TLL1: variants seen among roughly 807,000 people sequenced by gnomAD.
TLL1 encodes tolloid like 1.
TLL1 carries 49 observed loss-of-function variants against 128.2 expected under a neutral mutation model. The ratio of observed to expected loss-of-function variants is 0.38; its 90% CI spans 0.30 to 0.48. The LOEUF is 0.48. Ranked by LOEUF, TLL1 falls within the 20% of genes least tolerant of loss-of-function variation. The pLI is 0.96. For missense variants in TLL1, 1,123 were observed against 1,242.0 expected (o/e 0.90, Z 1.44); for synonymous variants, 454 against 418.8 (o/e 1.08, Z -1.03).
At chr4:166,031,623 C>T (rs1393711653) in intron 9 of TLL1, among the ~76,000 whole-genome samples, 1 of 152,018 alleles carries the variant, frequency 6.6e-6, no homozygotes, top group Non-Finnish European at 1.5e-5. Context: ...CTGCCTCAGC[C>T]TCCCAAAGTT....
chr4:166,061,187 T>C (rs2111119051), intron 15 of TLL1, among the ~76,000 whole-genome samples: 1 of 152,164 alleles, frequency 6.6e-6, no homozygotes, highest in Admixed American at 6.6e-5. Flanking sequence ...GTTTTGCTTT[T>C]GTGTGTCTAT....
chr4:166,034,930 T>C (rs2111083693), intron 9 of TLL1, among the ~76,000 whole-genome samples: 1 of 152,318 alleles, frequency 6.6e-6, no homozygotes, highest in South Asian at 2.1e-4. Flanking sequence ...CTCACTTGGC[T>C]GAAGGGTTGG....
chr4:165,959,549 A>G (rs1338446888), intron 1 of TLL1, among the ~76,000 whole-genome samples: 1 of 152,152 alleles, frequency 6.6e-6, no homozygotes, highest in African/African-American at 2.4e-5. Context: ...CATTCTTCTC[A>G]TCTCCACATG....
At chr4:165,899,946 G>A (rs1011451864) in intron 1 of TLL1, among the ~76,000 whole-genome samples, 7 of 151,718 alleles carry the variant, frequency 4.6e-5, no homozygotes, top group Admixed American at 2.0e-4. Context: ...TCTTTTTGTT[G>A]GATTGATCCC....
At chr4:165,878,920 CTTTTTTTTTTT>C (rs140447889) in intron 1 of TLL1, among the ~76,000 whole-genome samples, 83 of 60,518 alleles carry the variant, frequency 1.4e-3, no homozygotes, top group Admixed American at 2.2e-3. Flanking sequence ...TGATGGCTTC[CTTTTTTTTTTT>C]TTTTTTTTTT....
chr4:165,900,188 G>A lies in TLL1; in HGVS notation c.169+26115G>A, dbSNP rs552514922. 2.6e-3 allele frequency among the ~76,000 whole-genome samples: 392 copies of A among 151,596 alleles called. 1 individual carries two copies. The highest frequency in any genetic ancestry group is 9.0e-3 in the African/African-American group (370 of 41,318). ...GCCGATGGGTCTTGACTCTTTATCCGATTTGCCAGTCTGTGTCTTTTAATT... is the reference window on the plus strand; with the variant it reads ...GCCGATGGGTCTTGACTCTTTATCCAATTTGCCAGTCTGTGTCTTTTAATT... On this transcript the variant is annotated intron_variant, in intron 1 of 20. Transcript: ENST00000061240.
chr4:166,009,712 G>A (rs1579618532), intron 7 of TLL1, among the ~76,000 whole-genome samples: 1 of 151,400 alleles, frequency 6.6e-6, no homozygotes, highest in East Asian at 1.9e-4. Context: ...AGTCTTTAAA[G>A]AAGCTGTTTA....
chr4:165,947,273 C>A (rs1734297361), intron 1 of TLL1, among the ~76,000 whole-genome samples: 1 of 152,058 alleles, frequency 6.6e-6, no homozygotes, highest in African/African-American at 2.4e-5. Flanking sequence ...CAAATCAAGA[C>A]CCCATCCTTA....
intron 11 of TLL1, among the ~76,000 whole-genome samples, 163 bp from the exon 12 acceptor site, chr4:166,043,111 A>T (rs1274907248): frequency 6.6e-6 from 1 of 152,116 alleles, no homozygotes; most frequent in Non-Finnish European, 1.5e-5. Flanking sequence ...TTTTTTTACC[A>T]CATAAATATT....
chr4:166,073,990 A>G (rs1740906938), intron 16 of TLL1, among the ~76,000 whole-genome samples: 1 of 152,106 alleles, frequency 6.6e-6, no homozygotes, highest in South Asian at 2.1e-4. Context: ...GTCAGGAGCA[A>G]TCTGCCAGTT....
At chr4:166,049,384 G>T (rs1238986622) in intron 12 of TLL1, among the ~76,000 whole-genome samples, 1 of 151,982 alleles carries the variant, frequency 6.6e-6, no homozygotes, top group Non-Finnish European at 1.5e-5. Flanking sequence ...ACACATTTTT[G>T]TTGTTTAATC....
intron 6 of TLL1, among the ~76,000 whole-genome samples, chr4:166,006,827 T>G (rs1737456198): frequency 6.6e-6 from 1 of 151,772 alleles, no homozygotes; most frequent in African/African-American, 2.4e-5. Flanking sequence ...AGGTTGATTC[T>G]TCATTCTTAA....
intron 9 of TLL1, among the ~76,000 whole-genome samples, chr4:166,036,675 C>G (rs1332068008): frequency 1.3e-5 from 2 of 151,904 alleles, no homozygotes; most frequent in Non-Finnish European, 2.9e-5. Flanking sequence ...TTAAAGGACT[C>G]TGTGTTTTAT....
chr4:166,038,850 G>A (rs1325094450), intron 9 of TLL1, among the ~76,000 whole-genome samples: 1 of 152,094 alleles, frequency 6.6e-6, no homozygotes, highest in Non-Finnish European at 1.5e-5. Flanking sequence ...CATGCACAAT[G>A]ATATTATATG....
intron 1 of TLL1, among the ~76,000 whole-genome samples, chr4:165,901,470 TTTGTTAGTTTTCC>T (rs1731985681): frequency 6.6e-6 from 1 of 152,206 alleles, no homozygotes; most frequent in Admixed American, 6.5e-5. Flanking sequence ...ATCCTTTCTG[TTTGTTAGTTTTCC>T]TTCTAACAGT....
chr4:166,074,249 A>G (rs1181707023), intron 16 of TLL1, among the ~76,000 whole-genome samples: 4 of 151,796 alleles, frequency 2.6e-5, no homozygotes, highest in Admixed American at 1.3e-4. Context: ...TAAAATATAT[A>G]AATTTCATTT....
chr4:165,914,511 C>T (rs1252605676), intron 1 of TLL1, among the ~76,000 whole-genome samples: 6 of 152,188 alleles, frequency 3.9e-5, no homozygotes, highest in Admixed American at 6.5e-5. Context: ...TGACAATGTC[C>T]TTGTGAAGAA....
chr4:166,025,380 C>T lies in TLL1; in HGVS notation c.1107C>T (p.Tyr369=). 6.2e-7 allele frequency: 1 copy of T among 1,613,934 alleles called. No individual in the cohort carries two copies. The highest frequency in any genetic ancestry group is 8.5e-7 in the Non-Finnish European group (1 of 1,179,932). The change falls in exon 9 of 21, where the codon TAC becomes TAT. Residue 369 remains tyrosine, a synonymous_variant. Coordinates refer to ENST00000061240, the MANE Select transcript of TLL1 (RefSeq NM_012464.5). ...NLSSPGFPNG[Y]PSYTHCIWRV... ...CCTCTCCAGGATTTCCCAATGGCTA[C>T]CCTTCTTACACACACTGCATCTGGA...
At chr4:166,052,748 G>A (rs1339361334) in intron 12 of TLL1, among the ~76,000 whole-genome samples, 3 of 151,978 alleles carry the variant, frequency 2.0e-5, no homozygotes, top group African/African-American at 2.4e-5. Flanking sequence ...TGCTTTAGCA[G>A]GGGAGGATAG....
Sources: allele counts gnomAD v4.1 joint callset (sites outside exome capture counted in the v4.1 genomes callset), GRCh38; gene constraint gnomAD v4.1.1; transcripts MANE v1.5; gene names NCBI Gene and HGNC (gene_info 2026-07-23, HGNC 2026-07-21).